Variants in SBF2 observed in about 807,000 individuals in gnomAD.
The protein encoded by SBF2 is myotubularin-related protein 13.
A neutral mutation model predicts 225.2 loss-of-function variants in SBF2; 112 were observed. The observed-to-expected ratio is 0.50, with a 90% CI of 0.43 to 0.58. The LOEUF is 0.58. Among genes scored for constraint, SBF2 ranks in the 20% least tolerant of loss-of-function variants. The pLI is 0.00. For synonymous variants in SBF2, 763 were observed against 773.3 expected (o/e 0.99, Z 0.22); for missense variants, 1,996 against 2,206.2 (o/e 0.90, Z 1.91).
At chr11:10,035,807 C>T (rs1949412378) in intron 3 of SBF2, among the ~76,000 whole-genome samples, 2 of 152,156 alleles carry the variant, frequency 1.3e-5, no homozygotes, top group Admixed American at 1.3e-4. Flanking sequence ...TGCTTTTACA[C>T]TGTTGGGAGT....
intron 1 of SBF2, among the ~76,000 whole-genome samples, chr11:10,205,274 G>C (rs1957715177): frequency 6.6e-6 from 1 of 151,924 alleles, no homozygotes; most frequent in Non-Finnish European, 1.5e-5. Context: ...TTAAAAGGAT[G>C]AACTTTACGG....
chr11:10,129,173 G>A (rs768166025), intron 2 of SBF2, among the ~76,000 whole-genome samples: 2 of 130,306 alleles, frequency 1.5e-5, no homozygotes, highest in African/African-American at 2.9e-5. Flanking sequence ...GCACGATCTT[G>A]GCTTACTGCA....
chr11:10,254,192 T>C (rs763430659), intron 1 of SBF2, among the ~76,000 whole-genome samples: 20 of 152,094 alleles, frequency 1.3e-4, no homozygotes, highest in Non-Finnish European at 2.2e-4. Context: ...GAGACCAGCC[T>C]GAGCAACATA....
At chr11:9,809,543 CAT>C (rs1491231815) in intron 30 of SBF2, among the ~76,000 whole-genome samples, 1 of 127,748 alleles carries the variant, frequency 7.8e-6, no homozygotes, top group African/African-American at 3.1e-5. Flanking sequence ...TTGTTTCAGA[CAT>C]TTTTTTTTTT....
At chr11:10,287,305 A>G (rs1404834973) in intron 1 of SBF2, among the ~76,000 whole-genome samples, 1 of 152,238 alleles carries the variant, frequency 6.6e-6, no homozygotes, top group East Asian at 1.9e-4. Flanking sequence ...TTTTAGAAAC[A>G]GAGTCTCAAT....
chr11:9,953,529 G>A (rs925621639), intron 16 of SBF2, among the ~76,000 whole-genome samples: 38 of 152,292 alleles, frequency 2.5e-4, no homozygotes, highest in African/African-American at 7.9e-4. Flanking sequence ...AATGGCATTC[G>A]CAGCAACCTG....
intron 16 of SBF2, among the ~76,000 whole-genome samples, chr11:9,907,212 T>A (rs1014937906): frequency 1.3e-5 from 2 of 152,172 alleles, no homozygotes; most frequent in Non-Finnish European, 1.5e-5. Context: ...TTCTGACCAT[T>A]ATAGAATAAT....
intron 26 of SBF2, among the ~76,000 whole-genome samples, chr11:9,836,593 G>T (rs955463314): frequency 2.0e-5 from 3 of 152,024 alleles, no homozygotes; most frequent in Non-Finnish European, 4.4e-5. Flanking sequence ...ACATTTTTAT[G>T]TAACTCTTAG....
chr11:10,080,113 T>TA, intron 2 of SBF2, among the ~76,000 whole-genome samples: 1 of 151,162 alleles, frequency 6.6e-6, no homozygotes, highest in East Asian at 1.9e-4. Context: ...CCAGGCCTGG[T>TA]AGTGTGTGCC....
At chr11:10,202,094 T>A (rs1957588241) in intron 1 of SBF2, among the ~76,000 whole-genome samples, 1 of 152,214 alleles carries the variant, frequency 6.6e-6, no homozygotes, top group Non-Finnish European at 1.5e-5. Context: ...AGCACTTTCA[T>A]GAAATTCTTC....
chr11:10,279,106 T>TAAAAA (rs58093618), intron 1 of SBF2, among the ~76,000 whole-genome samples: 18 of 56,094 alleles, frequency 3.2e-4, no homozygotes, highest in East Asian at 5.5e-4. Context: ...GGTCTTGTAT[T>TAAAAA]AAAAAAAAAA....
intron 16 of SBF2, among the ~76,000 whole-genome samples, chr11:9,940,094 T>C (rs1288812702): frequency 1.3e-5 from 2 of 152,154 alleles, no homozygotes; most frequent in African/African-American, 4.8e-5. Context: ...GAGTGGTTGC[T>C]GTGATTAAAA....
chr11:9,825,331 A>G (rs1855002516), intron 28 of SBF2, among the ~76,000 whole-genome samples: 1 of 152,224 alleles, frequency 6.6e-6, no homozygotes, highest in Admixed American at 6.5e-5. Context: ...GGAGAAAGGC[A>G]TGGAACAGAT....
At chr11:10,217,235 A>G (rs1324864487) in intron 1 of SBF2, among the ~76,000 whole-genome samples, 1 of 152,214 alleles carries the variant, frequency 6.6e-6, no homozygotes, top group Non-Finnish European at 1.5e-5. Flanking sequence ...GATGCTGTCT[A>G]AAGTTGTCCA....
At chr11:9,830,323 A>C (rs1483823891) in intron 27 of SBF2, among the ~76,000 whole-genome samples, 1 of 152,252 alleles carries the variant, frequency 6.6e-6, no homozygotes, top group African/African-American at 2.4e-5. Context: ...CATCAATTCT[A>C]AGACGCACTG....
intron 1 of SBF2, among the ~76,000 whole-genome samples, chr11:10,234,526 T>G (rs902877593): frequency 2.0e-5 from 3 of 152,178 alleles, no homozygotes; most frequent in Non-Finnish European, 2.9e-5. Flanking sequence ...CCTAACCAAG[T>G]CTATTTTTCC....
At chr11:9,870,972 GAA>G (rs35752884) in intron 17 of SBF2, among the ~76,000 whole-genome samples, 9,566 of 106,432 alleles carry the variant, frequency 0.09, 467 homozygotes, top group East Asian at 0.32. Context: ...GAATCCGTCT[GAA>G]AAAAAAAAAA....
At chr11:9,964,210 C>G (rs565216360) in intron 14 of SBF2, among the ~76,000 whole-genome samples, 6 of 152,312 alleles carry the variant, frequency 3.9e-5, no homozygotes, top group African/African-American at 1.4e-4. Flanking sequence ...GACAGCACTA[C>G]TGAACTGCAG....
chr11:10,028,588 AC>A, intron 5 of SBF2, 31 bp from the exon 6 acceptor site: 1 of 1,343,498 alleles, frequency 7.4e-7, no homozygotes, highest in Non-Finnish European at 1.1e-6. Flanking sequence ...AAACACACAC[AC>A]ACACGATTTC....
Sources: allele counts gnomAD v4.1 joint callset (sites outside exome capture counted in the v4.1 genomes callset), GRCh38; gene constraint gnomAD v4.1.1; transcripts MANE v1.5; gene names NCBI Gene and HGNC (gene_info 2026-07-23, HGNC 2026-07-21).